FGF12: variants seen among roughly 807,000 people sequenced by gnomAD.
FGF12 encodes the protein fibroblast growth factor 12.
A neutral mutation model predicts 23.6 loss-of-function variants in FGF12; 14 were observed. That is an observed-to-expected ratio of 0.59 (90% CI 0.39 to 0.93). FGF12 has a LOEUF of 0.93. FGF12 is among the 40% of genes least tolerant of loss of function. The pLI is 0.00. For missense variants in FGF12, 175 were observed against 217.8 expected (o/e 0.80, Z 1.24); for synonymous variants, 62 against 77.3 (o/e 0.80, Z 1.04).
chr3:192,634,618 A>G (rs751115348), intron 2 of FGF12, among the ~76,000 whole-genome samples: 4 of 152,140 alleles, frequency 2.6e-5, no homozygotes, highest in African/African-American at 4.8e-5. Flanking sequence ...TGAGAGAGGA[A>G]GCCCCATACC....
chr3:192,344,051 C>A (rs560572205), intron 3 of FGF12, among the ~76,000 whole-genome samples: 5 of 152,108 alleles, frequency 3.3e-5, no homozygotes, highest in Admixed American at 6.5e-5. Flanking sequence ...TGACTTTGAG[C>A]AGTAGGATAT....
At chr3:192,466,851 T>G (rs1278067446) in intron 2 of FGF12, among the ~76,000 whole-genome samples, 1 of 152,174 alleles carries the variant, frequency 6.6e-6, no homozygotes, top group African/African-American at 2.4e-5. Flanking sequence ...TCATTATAAC[T>G]AGTTCCCTCA....
intron 5 of FGF12, among the ~76,000 whole-genome samples, chr3:192,147,318 C>T (rs187653642): frequency 2.0e-5 from 3 of 152,114 alleles, no homozygotes; most frequent in Non-Finnish European, 4.4e-5. Context: ...TTCTGAATTA[C>T]AATATAATTT....
At chr3:192,301,506 T>C (rs970044210) in intron 4 of FGF12, among the ~76,000 whole-genome samples, 1 of 152,202 alleles carries the variant, frequency 6.6e-6, no homozygotes, top group Non-Finnish European at 1.5e-5. Context: ...CTTGTGAAGC[T>C]TACAGTTGAC....
At chr3:192,602,981 A>G (rs1048839635) in intron 2 of FGF12, among the ~76,000 whole-genome samples, 1 of 152,178 alleles carries the variant, frequency 6.6e-6, no homozygotes, top group African/African-American at 2.4e-5. Context: ...AATAAAATTT[A>G]ACATCCCCTC....
At chr3:192,430,702 T>C (rs1167249347) in intron 2 of FGF12, among the ~76,000 whole-genome samples, 1 of 152,108 alleles carries the variant, frequency 6.6e-6, no homozygotes, top group Non-Finnish European at 1.5e-5. Context: ...CTATTATGCC[T>C]GAAGTAATGA....
chr3:192,301,829 CA>C (rs1161144643), intron 4 of FGF12, among the ~76,000 whole-genome samples: 1 of 152,020 alleles, frequency 6.6e-6, no homozygotes, highest in Non-Finnish European at 1.5e-5. Flanking sequence ...GAGTAGAAGT[CA>C]GGTAAGGAAG....
chr3:192,355,245 C>A (rs1718415899), intron 3 of FGF12, among the ~76,000 whole-genome samples: 1 of 151,428 alleles, frequency 6.6e-6, no homozygotes, highest in Non-Finnish European at 1.5e-5. Flanking sequence ...AGCAAAATAC[C>A]TAATAGGAAA....
rs572298986 is a variant in FGF12, at chr3:192,193,024, A to C, written c.229-22368T>G. On this transcript the variant is annotated intron_variant, in intron 4 of 5. Transcript: ENST00000445105. ...TGTAATTGTCTTTTTGGGAGGTAGG[A>C]AGAACATAGAGCAGGACAAGATTCG... Among the ~76,000 whole-genome samples the C allele has an allele frequency of 2.0e-5, 3 of 152,318 alleles. No individual in the cohort carries two copies. The East Asian group carries it at 5.8e-4, about 29-fold the overall frequency.
At chr3:192,431,275 T>G (rs1039976371) in intron 2 of FGF12, among the ~76,000 whole-genome samples, 2 of 152,160 alleles carry the variant, frequency 1.3e-5, no homozygotes, top group Non-Finnish European at 2.9e-5. Flanking sequence ...TGTAAGCAGT[T>G]GTAGGTGAAA....
chr3:192,461,578 G>A (rs530290338), intron 2 of FGF12, among the ~76,000 whole-genome samples: 1 of 152,054 alleles, frequency 6.6e-6, no homozygotes, highest in Non-Finnish European at 1.5e-5. Flanking sequence ...GAAATTTTAT[G>A]TTCTCATTCC....
Position 192,702,816 on chromosome 3 carries a change from T to A in FGF12, c.13+24365A>T, listed in dbSNP as rs12330676. On this transcript the variant is annotated intron_variant, in intron 2 of 5. Coordinates refer to ENST00000445105, the MANE Select transcript of FGF12 (RefSeq NM_004113.6). ...CTGTTAAAAAATAAAAATTTAAATTTAAAAAAAACTAGTCTAAGTCATTTT... is the reference window on the plus strand; with the variant it reads ...CTGTTAAAAAATAAAAATTTAAATTAAAAAAAAACTAGTCTAAGTCATTTT... Among the ~76,000 whole-genome samples the A allele has an allele frequency of 8.2e-4, 124 of 151,958 alleles. 1 individual carries two copies. The highest frequency in any genetic ancestry group is 1.1e-3 in the African/African-American group (45 of 41,464).
chr3:192,711,656 G>C (rs571019152), intron 2 of FGF12, among the ~76,000 whole-genome samples: 1 of 152,000 alleles, frequency 6.6e-6, no homozygotes, highest in Non-Finnish European at 1.5e-5. Context: ...CCCCCAACCC[G>C]GTGCTCTCTG....
intron 5 of FGF12, among the ~76,000 whole-genome samples, chr3:192,167,448 A>G (rs949909368): frequency 2.0e-5 from 3 of 151,936 alleles, no homozygotes; most frequent in Non-Finnish European, 2.9e-5. Context: ...GTAGCAAAAC[A>G]CTGGGAGAGA....
chr3:192,354,023 C>T lies in FGF12; in HGVS notation c.124+6405G>A, dbSNP rs191230461. Among the ~76,000 whole-genome samples, 123 of 152,318 alleles carry T rather than the reference C, an allele frequency of 8.1e-4. 1 individual carries two copies. The highest frequency in any genetic ancestry group is 3.4e-3 in the Middle Eastern group (1 of 294). ...GTTTAGCAATAAAAGCTTCTGCTGA[C>T]TTTGGCTGTGTCTATATACTTGTGA... On this transcript the variant is annotated intron_variant, in intron 3 of 5. Coordinates refer to ENST00000445105, the MANE Select transcript of FGF12 (RefSeq NM_004113.6).
chr3:192,727,461 G>A (rs1719262014), intron 1 of FGF12, 23 bp downstream of exon 1: 3 of 687,638 alleles, frequency 4.4e-6, no homozygotes, highest in Non-Finnish European at 6.5e-6. Flanking sequence ...TGCCCGCTCA[G>A]ATTTTTTTTT....
chr3:192,178,161 G>C (rs1451777933), intron 4 of FGF12, among the ~76,000 whole-genome samples: 1 of 152,006 alleles, frequency 6.6e-6, no homozygotes, highest in Non-Finnish European at 1.5e-5. Flanking sequence ...ATGTAAAAAA[G>C]AAATGCCAAA....
At chr3:192,699,986 G>T (rs1453738137) in intron 2 of FGF12, among the ~76,000 whole-genome samples, 2 of 152,170 alleles carry the variant, frequency 1.3e-5, no homozygotes, top group Non-Finnish European at 2.9e-5. Flanking sequence ...GAATCCCTGA[G>T]ATGCTCCCAT....
At chr3:192,364,598 T>C (rs1164095173) in intron 2 of FGF12, among the ~76,000 whole-genome samples, 1 of 151,346 alleles carries the variant, frequency 6.6e-6, no homozygotes, top group Non-Finnish European at 1.5e-5. Context: ...AGGCCAAGGT[T>C]TTTAAAAGCA....
Sources: gnomAD v4.1 joint callset for allele counts (sites outside exome capture counted in the v4.1 genomes callset) on GRCh38, gnomAD v4.1.1 for gene constraint, MANE v1.5 for transcripts, NCBI Gene and HGNC (gene_info 2026-07-23, HGNC 2026-07-21) for gene names.